EXOC3: variants seen among roughly 807,000 people sequenced by gnomAD.
EXOC3 encodes the protein SEC6-like 1.
A neutral mutation model predicts 73.7 loss-of-function variants in EXOC3; 21 were observed. The ratio of observed to expected loss-of-function variants is 0.29; its 90% CI spans 0.20 to 0.41. EXOC3 has a LOEUF of 0.41. Ranked by LOEUF, EXOC3 falls within the 10% of genes least tolerant of loss-of-function variation. The pLI, the probability that EXOC3 is intolerant of heterozygous loss-of-function variation, is 1.00. For missense variants in EXOC3, 842 were observed against 985.1 expected, an observed-to-expected ratio of 0.85 and a Z score of 1.95; for synonymous variants, 410 against 389.1, an observed-to-expected ratio of 1.05 and a Z score of -0.63.
intron 2 of EXOC3, 25 bp from the exon 3 acceptor site, chr5:447,508 T>C: frequency 1.3e-6 from 2 of 1,500,320 alleles, no homozygotes; most frequent in Non-Finnish European, 1.8e-6. Flanking sequence ...TTGGCTCTGC[T>C]CACCCGTGTG....
intron 2 of EXOC3, 118 bp downstream of exon 2, chr5:446,467 A>G (rs1737512387): frequency 3.2e-6 from 3 of 924,820 alleles, no homozygotes; most frequent in South Asian, 3.5e-5. Flanking sequence ...GCAGAGCTGG[A>G]CTTTCTTGAG....
At chr5:460,359 G>A (rs564558804) in intron 7 of EXOC3, among the ~76,000 whole-genome samples, 1 of 152,276 alleles carries the variant, frequency 6.6e-6, no homozygotes, top group Admixed American at 6.5e-5. Flanking sequence ...CCAGATGCTG[G>A]CTCTGCAGGC....
chr5:459,522 A>T, intron 7 of EXOC3, 63 bp downstream of exon 7: 2 of 887,126 alleles, frequency 2.3e-6, no homozygotes, highest in Non-Finnish European at 1.7e-6. Context: ...AGAAGCAAAA[A>T]TTTTTTGATC....
Position 456,948 on chromosome 5 carries a change from C to G in EXOC3, c.1106C>G (p.Pro369Arg). ...APEVDVGTLE[P>R]LLSPHVVSEL... ...GAAGTGGATGTCGGCACCCTGGAGCCATTGCTTTCTCCACACGTGGTCTCT... is the reference window on the plus strand; with the variant it reads ...GAAGTGGATGTCGGCACCCTGGAGCGATTGCTTTCTCCACACGTGGTCTCT... Residue 369 changes from proline to arginine, a missense_variant, in exon 5 of 13, where the codon CCA (proline) becomes CGA (arginine). By Grantham distance (103) the Pro-to-Arg change is moderately radical. Coordinates refer to ENST00000512944, the MANE Select transcript of EXOC3 (RefSeq NM_007277.5). The G allele has an allele frequency of 6.2e-7, 1 of 1,614,046 alleles. No individual in the cohort carries two copies. The highest frequency in any genetic ancestry group is 8.5e-7 in the Non-Finnish European group (1 of 1,179,890).
chr5:444,147 TCA>T, intron 1 of EXOC3, among the ~76,000 whole-genome samples: 1 of 152,344 alleles, frequency 6.6e-6, no homozygotes, highest in East Asian at 1.9e-4. Context: ...GCGGAGAGGC[TCA>T]CAGCGGAGCC....
chr5:457,708 CTGCTG>C, intron 5 of EXOC3, 187 bp from the exon 6 acceptor site: 1 of 570,410 alleles, frequency 1.8e-6, no homozygotes, highest in African/African-American at 1.9e-5. Context: ...CCCCTGCGGG[CTGCTG>C]TGGTCACTGC....
chr5:460,809 T>A (rs1306484061), intron 7 of EXOC3, among the ~76,000 whole-genome samples: 1 of 152,266 alleles, frequency 6.6e-6, no homozygotes, highest in Admixed American at 6.5e-5. Context: ...TAGATTCTTC[T>A]ATAAAGAGAC....
chr5:452,559 CT>C (rs1233239497), intron 3 of EXOC3, among the ~76,000 whole-genome samples: 1 of 152,204 alleles, frequency 6.6e-6, no homozygotes, highest in East Asian at 1.9e-4. Context: ...ATGGGCCATA[CT>C]TTCTTCTTTC....
Position 449,029 on chromosome 5 carries a change from G to A in EXOC3, c.364+1277G>A, listed in dbSNP as rs1308597944. On this transcript the variant is annotated intron_variant, in intron 3 of 12. Coordinates refer to ENST00000512944, the MANE Select transcript of EXOC3 (RefSeq NM_007277.5). ...TTTCTAGTTAATTTCCTCTTATTTC[G>A]TATTGGCTGGCTACATTTCCTTCCG... 3.3e-5 allele frequency among the ~76,000 whole-genome samples: 5 copies of A among 152,288 alleles called. No individual in the cohort carries two copies. In the South Asian group the frequency reaches 8.3e-4, roughly 25 times the overall value.
intron 6 of EXOC3, among the ~76,000 whole-genome samples, chr5:458,534 T>C (rs543448762): frequency 2.0e-5 from 3 of 152,222 alleles, no homozygotes; most frequent in African/African-American, 4.8e-5. Flanking sequence ...GTTGCTTTCC[T>C]GTTCATTGGT....
chr5:467,203 C>T lies in EXOC3; in HGVS notation c.*305C>T. The T allele has an allele frequency of 2.8e-6, 1 of 359,104 alleles. No individual in the cohort carries two copies. Among genetic ancestry groups the T allele is most frequent in the Admixed American group, 4.3e-5 (1 of 23,312 alleles). The allele number at this position is 359,104 out of a possible 1,614,324, so 22.2% of individuals were successfully genotyped here. On this transcript the variant is annotated 3_prime_UTR_variant, in exon 13 of 13. Transcript: ENST00000512944. Reference sequence around the variant, plus strand: ...AGAGGACGTGCACCTCCCTGCCCTCCTCCTCCCTGGGCCTTCACCGCACCC... The same window carrying T: ...AGAGGACGTGCACCTCCCTGCCCTCTTCCTCCCTGGGCCTTCACCGCACCC...
Position 466,763 on chromosome 5 carries a change from G to A in EXOC3, c.2103G>A (p.Gly701=). 1 of 1,613,196 alleles carries A rather than the reference G, an allele frequency of 6.2e-7. No individual in the cohort carries two copies. The highest frequency in any genetic ancestry group is 1.3e-5 in the African/African-American group (1 of 75,048). ...TCGGTGCGCTGCTGGCTGTGCGTGGGGACGCCAGCCGTGACATGAAGCAGA... is the reference window on the plus strand; with the variant it reads ...TCGGTGCGCTGCTGGCTGTGCGTGGAGACGCCAGCCGTGACATGAAGCAGA... ...DHIGALLAVR[G]DASRDMKQTI... is the part of the protein sequence containing the mutation. Residue 701 remains glycine, a synonymous_variant, in exon 13 of 13, where the codon GGG becomes GGA. Coordinates refer to ENST00000512944, the MANE Select transcript of EXOC3 (RefSeq NM_007277.5).
intron 3 of EXOC3, among the ~76,000 whole-genome samples, chr5:448,767 C>A (rs1208624398): frequency 6.6e-6 from 1 of 152,222 alleles, no homozygotes; most frequent in Non-Finnish European, 1.5e-5. Flanking sequence ...TCCTCTCGTG[C>A]TTGCGGCTGC....
chr5:445,106 T>G (rs956613877), intron 1 of EXOC3: 2 of 152,218 alleles, frequency 1.3e-5, no homozygotes, highest in African/African-American at 2.4e-5. Flanking sequence ...ATCAGACAGC[T>G]GAAGTCAAGG....
intron 1 of EXOC3, among the ~76,000 whole-genome samples, chr5:443,713 G>T (rs966094042): frequency 6.8e-6 from 1 of 146,246 alleles, no homozygotes; most frequent in Non-Finnish European, 1.5e-5. Flanking sequence ...TCCCCTCGGC[G>T]CAGGAGTTCT....
At chr5:450,610 A>C (rs757103412) in intron 3 of EXOC3, among the ~76,000 whole-genome samples, 1 of 152,062 alleles carries the variant, frequency 6.6e-6, no homozygotes, top group African/African-American at 2.4e-5. Context: ...TGTTCTGTCC[A>C]TTATTGAGAG....
At position 461,945 on chromosome 5, in the gene EXOC3, C is replaced by T. The variant is rs1442918794; in HGVS notation, c.1392-15C>T. Reference sequence around the variant, plus strand: ...TGCCCTTAGTGCTGTCTGACCGAAGCCTGTCTGTCCTCAGATATAAAGATG... The same window carrying T: ...TGCCCTTAGTGCTGTCTGACCGAAGTCTGTCTGTCCTCAGATATAAAGATG... On this transcript the variant is annotated splice_polypyrimidine_tract_variant and intron_variant, in intron 7 of 12. Transcript: ENST00000512944. 5 of 1,561,320 alleles carry T rather than the reference C, an allele frequency of 3.2e-6. No homozygotes were observed. The highest frequency in any genetic ancestry group is 4.3e-6 in the Non-Finnish European group (5 of 1,149,672).
chr5:443,586 T>C (rs1737408523), intron 1 of EXOC3, among the ~76,000 whole-genome samples: 1 of 150,728 alleles, frequency 6.6e-6, no homozygotes, highest in Non-Finnish European at 1.5e-5. Context: ...TAACAGTGTC[T>C]TCCCCCACGC....
rs762471909 is a variant in EXOC3 at position 465,238 on chromosome 5, A to T, written c.1904A>T (p.Glu635Val). ...EGAEKMVREA[E>V]QLRFLFRKLA... ...GCCGAGAAGATGGTTAGGGAGGCAGAGCAGCTGCGCTTCCTGTTCCGGAAG... is the reference window on the plus strand; with the variant it reads ...GCCGAGAAGATGGTTAGGGAGGCAGTGCAGCTGCGCTTCCTGTTCCGGAAG... Residue 635 changes from glutamate (E) to valine (V), a missense_variant, in exon 11 of 13, where the codon GAG becomes GTG. Coordinates refer to ENST00000512944, the MANE Select transcript of EXOC3 (RefSeq NM_007277.5). 3.8e-6 allele frequency: 6 copies of T among 1,591,292 alleles called. No individual in the cohort carries two copies. The African/African-American group carries it at 6.7e-5, about 18-fold the overall frequency.
Sources: allele counts gnomAD v4.1 joint callset (sites outside exome capture counted in the v4.1 genomes callset), GRCh38; gene constraint gnomAD v4.1.1; transcripts MANE v1.5; gene names NCBI Gene and HGNC (gene_info 2026-07-23, HGNC 2026-07-21).